The following TECPR2 variants were observed in gnomAD, a reference collection of about 807,000 sequenced individuals.
The protein encoded by TECPR2 is tectonin beta-propeller repeat-containing protein 2.
Under a neutral mutation model 138.1 loss-of-function variants are expected in TECPR2, and 65 were observed. That is an observed-to-expected ratio of 0.47 (90% CI 0.39 to 0.58). The LOEUF (loss-of-function observed/expected upper bound fraction) is 0.58, where lower values mean the gene tolerates loss of function less well. TECPR2 is among the 20% of genes least tolerant of loss of function. TECPR2 has a pLI of 0.00. For synonymous variants in TECPR2, 746 were observed against 749.8 expected (o/e 0.99, Z 0.08); for missense variants, 1,553 against 1,824.5 (o/e 0.85, Z 2.71).
At position 102,395,192 on chromosome 14, in the gene TECPR2, G is replaced by A. The variant is rs114731658; in HGVS notation, c.220-12146G>A. ...ATTACCACCTCAACTCACTGTAGGC[G>A]GCTTTTCATGTGCAACAGCTAAGCT... On this transcript the variant is annotated intron_variant, in intron 2 of 19. Transcript: ENST00000359520. 8.4e-3 allele frequency among the ~76,000 whole-genome samples: 1,275 copies of A among 152,230 alleles called. 22 individuals carry two copies. The highest frequency in any genetic ancestry group is 0.029 in the African/African-American group (1,201 of 41,524).
chr14:102,415,698 T>C lies in TECPR2; in HGVS notation c.638+905T>C, dbSNP rs927665247. 6.6e-6 allele frequency among the ~76,000 whole-genome samples: 1 copy of C among 152,044 alleles called. No individual in the cohort carries two copies. Among genetic ancestry groups the C allele is most frequent in the African/African-American group, 2.4e-5 (1 of 41,404 alleles). On this transcript the variant is annotated intron_variant, in intron 5 of 19. Coordinates refer to ENST00000359520, the MANE Select transcript of TECPR2 (RefSeq NM_014844.5). The surrounding 1 kb of genome is among the most constrained non-coding windows in gnomAD (Gnocchi z 4.3). Reference sequence around the variant, plus strand: ...AGATCATGCGTTGATGAGTCTACAGTCATGGATTGTCGATTGGCCGATGGG... The same window carrying C: ...AGATCATGCGTTGATGAGTCTACAGCCATGGATTGTCGATTGGCCGATGGG...
At chr14:102,379,123 G>A (rs1453030646) in intron 2 of TECPR2, among the ~76,000 whole-genome samples, 2 of 152,262 alleles carry the variant, frequency 1.3e-5, no homozygotes, top group Non-Finnish European at 2.9e-5. Context: ...TGAATCCAAC[G>A]ATGAACCCCA....
intron 16 of TECPR2, among the ~76,000 whole-genome samples, chr14:102,453,615 G>A (rs534807465): frequency 2.6e-5 from 4 of 152,118 alleles, no homozygotes; most frequent in Admixed American, 2.0e-4. Context: ...GGATCAGGCA[G>A]CATAGGTGTG....
intron 2 of TECPR2, among the ~76,000 whole-genome samples, chr14:102,393,373 A>G (rs1270037489): frequency 1.3e-5 from 2 of 152,210 alleles, no homozygotes; most frequent in Admixed American, 1.3e-4. Flanking sequence ...TTAAGTGTTA[A>G]TAATCTGATG....
Position 102,420,286 on chromosome 14 carries a change from A to T in TECPR2, c.639-4693A>T, listed in dbSNP as rs1361668257. On this transcript the variant is annotated intron_variant, in intron 5 of 19. Transcript: ENST00000359520. The surrounding 1 kb of genome is among the most constrained non-coding windows in gnomAD (Gnocchi z 4.1). ...ATATTAATTTGTTTATGATTTTAGAATCCTGCAATACTTAGACCTTAAAAG... is the reference window on the plus strand; with the variant it reads ...ATATTAATTTGTTTATGATTTTAGATTCCTGCAATACTTAGACCTTAAAAG... Among the ~76,000 whole-genome samples the T allele has an allele frequency of 4.6e-5, 7 of 152,312 alleles. No homozygotes were observed. Among genetic ancestry groups the T allele is most frequent in the East Asian group, 3.9e-4 (2 of 5,190 alleles).
At chr14:102,482,464 T>C (rs1460983412) in intron 17 of TECPR2, among the ~76,000 whole-genome samples, 1 of 152,158 alleles carries the variant, frequency 6.6e-6, no homozygotes, top group Non-Finnish European at 1.5e-5. Flanking sequence ...CCTGCAGAGA[T>C]CTCTCCTGCA....
chr14:102,468,069 C>T (rs1890585689), intron 17 of TECPR2, among the ~76,000 whole-genome samples: 1 of 152,018 alleles, frequency 6.6e-6, no homozygotes, highest in South Asian at 2.1e-4. Flanking sequence ...TGGTCTCAAA[C>T]TCCTGGCCTC....
intron 8 of TECPR2, among the ~76,000 whole-genome samples, chr14:102,433,954 T>C (rs1290378872): frequency 6.6e-6 from 1 of 152,200 alleles, no homozygotes; most frequent in East Asian, 1.9e-4. Context: ...TTTCTAAGCA[T>C]TTTAATAATT....
At chr14:102,428,797 A>G (rs1279408100) in intron 7 of TECPR2, among the ~76,000 whole-genome samples, 1 of 152,094 alleles carries the variant, frequency 6.6e-6, no homozygotes, top group African/African-American at 2.4e-5. Context: ...TATTTTGCTA[A>G]ACTATTGCAA....
chr14:102,453,731 T>A (rs1475706132), intron 16 of TECPR2, among the ~76,000 whole-genome samples: 2 of 151,704 alleles, frequency 1.3e-5, no homozygotes, highest in Admixed American at 1.3e-4. Context: ...GCTTCCCAGT[T>A]TTTTTAACTT....
At chr14:102,431,561 C>G (rs578094978) in intron 7 of TECPR2, among the ~76,000 whole-genome samples, 101 of 152,176 alleles carry the variant, frequency 6.6e-4, no homozygotes, top group Non-Finnish European at 9.4e-4. Flanking sequence ...CCAGGATGGT[C>G]TTGATCTCCT....
chr14:102,370,472 A>G (rs918672186), intron 1 of TECPR2, among the ~76,000 whole-genome samples: 1 of 152,228 alleles, frequency 6.6e-6, no homozygotes, highest in Non-Finnish European at 1.5e-5. Context: ...GAGCTAAAGC[A>G]GATACGAAAG....
chr14:102,364,018 C>T (rs1887272791), intron 1 of TECPR2, among the ~76,000 whole-genome samples: 1 of 152,142 alleles, frequency 6.6e-6, no homozygotes, highest in South Asian at 2.1e-4. Flanking sequence ...TATTGGGATT[C>T]AGGAATTTTA....
intron 11 of TECPR2, among the ~76,000 whole-genome samples, chr14:102,440,915 TC>T (rs760726227): frequency 6.6e-6 from 1 of 152,116 alleles, no homozygotes; most frequent in Non-Finnish European, 1.5e-5. Context: ...CAATGTTAGA[TC>T]TTAAGAGGTA....
At chr14:102,412,000 A>C (rs1567329764) in intron 4 of TECPR2, among the ~76,000 whole-genome samples, 1 of 152,140 alleles carries the variant, frequency 6.6e-6, no homozygotes, top group South Asian at 2.1e-4. Context: ...AACCACATGG[A>C]TGAATTTTTC....
intron 10 of TECPR2, 126 bp downstream of exon 10, chr14:102,438,331 G>A (rs563315222): frequency 9.6e-6 from 12 of 1,253,120 alleles, no homozygotes; most frequent in Admixed American, 3.0e-5. Context: ...GCTGCCGTGC[G>A]TTCACCAGGT....
At chr14:102,424,276 T>C (rs1284758707) in intron 5 of TECPR2, among the ~76,000 whole-genome samples, 3 of 152,218 alleles carry the variant, frequency 2.0e-5, no homozygotes, top group Non-Finnish European at 4.4e-5. Context: ...AAAAATATGG[T>C]ATTATAATCT....
intron 17 of TECPR2, among the ~76,000 whole-genome samples, chr14:102,493,714 C>G (rs1431308716): frequency 6.6e-6 from 1 of 152,218 alleles, no homozygotes; most frequent in African/African-American, 2.4e-5. Flanking sequence ...CATCCCACAG[C>G]CCTGCTGGCC....
At chr14:102,428,457 T>C in intron 7 of TECPR2, 75 bp downstream of exon 7, 1 of 1,584,584 alleles carries the variant, frequency 6.3e-7, no homozygotes, top group Admixed American at 1.9e-5. Flanking sequence ...TTGCAGTTAA[T>C]AATTGATCAA....
Sources: allele counts gnomAD v4.1 joint callset (sites outside exome capture counted in the v4.1 genomes callset), GRCh38; gene constraint gnomAD v4.1.1; non-coding constraint Gnocchi (gnomAD v3.1); transcripts MANE v1.5; gene names NCBI Gene and HGNC (gene_info 2026-07-23, HGNC 2026-07-21).